Variants in OPCML observed in about 807,000 individuals in gnomAD.
The protein encoded by OPCML is opioid binding protein/cell adhesion molecule like.
In OPCML, 13 loss-of-function variants were observed where a neutral mutation model predicts 37.8. The ratio of observed to expected loss-of-function variants is 0.34; its 90% CI spans 0.22 to 0.55. OPCML has a LOEUF of 0.55. Ranked by LOEUF, OPCML falls within the 20% of genes least tolerant of loss-of-function variation. The pLI is 0.91. For missense variants in OPCML, 341 were observed against 435.6 expected (o/e 0.78, Z 1.93); for synonymous variants, 176 against 168.8 (o/e 1.04, Z -0.33).
At chr11:133,190,929 T>A (rs1938285518) in intron 1 of OPCML, among the ~76,000 whole-genome samples, 2 of 152,202 alleles carry the variant, frequency 1.3e-5, no homozygotes, top group African/African-American at 4.8e-5. Flanking sequence ...TTGGACTATT[T>A]TGAATAATGT....
intron 1 of OPCML, among the ~76,000 whole-genome samples, chr11:133,381,168 C>T: frequency 6.6e-6 from 1 of 152,112 alleles, no homozygotes; most frequent in Non-Finnish European, 1.5e-5. Context: ...GACATGGGCC[C>T]CTTAGTTGGA....
intron 3 of OPCML, among the ~76,000 whole-genome samples, chr11:132,547,653 T>C (rs974131106): frequency 6.6e-6 from 1 of 152,190 alleles, no homozygotes; most frequent in Non-Finnish European, 1.5e-5. Flanking sequence ...ACTCATTTTA[T>C]TGGAAGTTAT....
intron 1 of OPCML, among the ~76,000 whole-genome samples, chr11:132,956,932 G>C (rs1945987775): frequency 6.6e-6 from 1 of 152,142 alleles, no homozygotes; most frequent in African/African-American, 2.4e-5. Context: ...AGAGTTCAAG[G>C]CCAGCCTGGG....
intron 1 of OPCML, among the ~76,000 whole-genome samples, chr11:133,408,331 A>C (rs1178541350): frequency 6.6e-6 from 1 of 152,240 alleles, no homozygotes; most frequent in Non-Finnish European, 1.5e-5. Flanking sequence ...TAAATCAAGG[A>C]ATAAACGTTT....
chr11:133,141,745 C>T (rs1592044067), intron 1 of OPCML, among the ~76,000 whole-genome samples: 2 of 152,188 alleles, frequency 1.3e-5, no homozygotes, highest in South Asian at 4.1e-4. Context: ...AATTACCTTT[C>T]CCTTCCCACT....
chr11:133,378,831 C>T (rs144248537), intron 1 of OPCML, among the ~76,000 whole-genome samples: 213 of 152,152 alleles, frequency 1.4e-3, no homozygotes, highest in African/African-American at 4.8e-3. Context: ...CTCCTGGGCT[C>T]CAGAGATCCT....
intron 1 of OPCML, among the ~76,000 whole-genome samples, chr11:133,330,837 A>C (rs1349405357): frequency 6.6e-6 from 1 of 152,234 alleles, no homozygotes; most frequent in Non-Finnish European, 1.5e-5. Flanking sequence ...AAGTATAATA[A>C]TAATAAAATT....
intron 1 of OPCML, among the ~76,000 whole-genome samples, chr11:133,372,833 A>G (rs1489313969): frequency 1.3e-5 from 2 of 152,188 alleles, no homozygotes; most frequent in African/African-American, 2.4e-5. Context: ...TGCCATTCTC[A>G]GGTATCTCTT....
chr11:132,993,178 G>C (rs894934753), intron 1 of OPCML, among the ~76,000 whole-genome samples: 2 of 152,118 alleles, frequency 1.3e-5, no homozygotes, highest in African/African-American at 4.8e-5. Context: ...TCCAGGACGT[G>C]CATGTCTATG....
At chr11:133,419,112 C>T (rs1449117544) in intron 1 of OPCML, 1 of 390,894 alleles carries the variant, frequency 2.6e-6, no homozygotes, top group Non-Finnish European at 3.5e-6. Flanking sequence ...TGAGTAATAA[C>T]TCTACCTGCC....
chr11:133,044,791 C>T (rs1330275614), intron 1 of OPCML, among the ~76,000 whole-genome samples: 5 of 152,068 alleles, frequency 3.3e-5, no homozygotes, highest in East Asian at 1.9e-4. Flanking sequence ...AAGTCCGTTC[C>T]GTACAGGGGA....
intron 3 of OPCML, among the ~76,000 whole-genome samples, chr11:132,627,566 C>T (rs2135678913): frequency 8.6e-6 from 1 of 116,384 alleles, no homozygotes. Flanking sequence ...AACAAAACAT[C>T]ATGAATTTGT....
At chr11:133,039,277 CG>C (rs1402019861) in intron 1 of OPCML, among the ~76,000 whole-genome samples, 2 of 152,200 alleles carry the variant, frequency 1.3e-5, no homozygotes, top group African/African-American at 4.8e-5. Flanking sequence ...CCTGCCCTCA[CG>C]TTTCCTTCTG....
intron 2 of OPCML, among the ~76,000 whole-genome samples, chr11:132,778,567 G>A (rs1421421591): frequency 1.3e-5 from 2 of 152,198 alleles, no homozygotes. Context: ...GTGTTTTTCT[G>A]TGGAATTTTG....
intron 1 of OPCML, among the ~76,000 whole-genome samples, chr11:132,950,284 C>T (rs534694617): frequency 3.3e-5 from 5 of 152,202 alleles, no homozygotes; most frequent in East Asian, 1.9e-4. Context: ...AGGCCAGAAA[C>T]GATGGCAATG....
chr11:133,329,721 A>C (rs1224803264), intron 1 of OPCML, among the ~76,000 whole-genome samples: 1 of 152,228 alleles, frequency 6.6e-6, no homozygotes, highest in African/African-American at 2.4e-5. Flanking sequence ...GTTAGACCTA[A>C]AACCATAAAA....
chr11:133,164,081 C>T (rs976933335), intron 1 of OPCML, among the ~76,000 whole-genome samples: 9 of 152,188 alleles, frequency 5.9e-5, no homozygotes, highest in South Asian at 4.1e-4. Flanking sequence ...AAGCCACCCA[C>T]GGCATGAGCT....
Position 132,936,880 on chromosome 11 carries a change from G to A in OPCML, c.146+6046C>T, listed in dbSNP as rs138826980. Among the ~76,000 whole-genome samples, 77 of 152,104 alleles carry A rather than the reference G, an allele frequency of 5.1e-4. 1 individual carries two copies. The East Asian group carries it at 7.9e-3, about 16-fold the overall frequency. ...AATTATACCTAACATGAGCAAGAGC[G>A]GCTTCATTCAGGGCAAACAATAAAC... On this transcript the variant is annotated intron_variant, in intron 2 of 7. Coordinates refer to ENST00000524381, the MANE Select transcript of OPCML (RefSeq NM_001012393.5).
In OPCML at chr11:132,807,716, C is replaced by T. The variant is rs572050318; in HGVS notation, c.146+135210G>A. ...AGCTATAAAACGGGAGGTCAGACTGCAAGTACCATTCTTCTCTGGGACTCT... is the reference window on the plus strand; with the variant it reads ...AGCTATAAAACGGGAGGTCAGACTGTAAGTACCATTCTTCTCTGGGACTCT... On this transcript the variant is annotated intron_variant, in intron 2 of 7. Coordinates refer to ENST00000524381, the MANE Select transcript of OPCML (RefSeq NM_001012393.5). Among the ~76,000 whole-genome samples the T allele has an allele frequency of 6.6e-5, 10 of 152,274 alleles. No homozygotes were observed. The East Asian group carries it at 1.9e-3, about 29-fold the overall frequency.
Sources: gnomAD v4.1 joint callset for allele counts (sites outside exome capture counted in the v4.1 genomes callset) on GRCh38, gnomAD v4.1.1 for gene constraint, MANE v1.5 for transcripts, NCBI Gene and HGNC (gene_info 2026-07-23, HGNC 2026-07-21) for gene names.